Variants in CHST11 observed in about 807,000 individuals in gnomAD.
The protein encoded by CHST11 is C4S-1.
Under a neutral mutation model 30.4 loss-of-function variants are expected in CHST11, and 9 were observed. That is an observed-to-expected ratio of 0.30 (90% CI 0.18 to 0.52). The LOEUF (loss-of-function observed/expected upper bound fraction) is 0.52. Among genes scored for constraint, CHST11 ranks in the 20% least tolerant of loss-of-function variants. The pLI is 0.97. For missense variants in CHST11, 348 were observed against 460.6 expected, an observed-to-expected ratio of 0.76 and a Z score of 2.24; for synonymous variants, 152 against 187.8, an observed-to-expected ratio of 0.81 and a Z score of 1.56.
chr12:104,680,586 G>A (rs1414663746), intron 2 of CHST11, among the ~76,000 whole-genome samples: 1 of 152,322 alleles, frequency 6.6e-6, no homozygotes, highest in South Asian at 2.1e-4. Context: ...CCTGTCATTC[G>A]AGGGTTTATT....
chr12:104,703,461 A>G (rs2136114615), intron 2 of CHST11, among the ~76,000 whole-genome samples: 1 of 152,066 alleles, frequency 6.6e-6, no homozygotes, highest in South Asian at 2.1e-4. Flanking sequence ...TCTCAGCTCT[A>G]CTTTCAAAGG....
intron 2 of CHST11, among the ~76,000 whole-genome samples, chr12:104,671,672 T>G (rs908638744): frequency 2.0e-5 from 3 of 152,200 alleles, no homozygotes; most frequent in Non-Finnish European, 2.9e-5. Flanking sequence ...AAAGATTCCT[T>G]TACTTACAGA....
At chr12:104,628,238 C>T (rs539126442) in intron 2 of CHST11, among the ~76,000 whole-genome samples, 5 of 152,306 alleles carry the variant, frequency 3.3e-5, no homozygotes, top group African/African-American at 7.2e-5. Context: ...TTAATCCCAA[C>T]GGTCCCGTTC....
At chr12:104,632,428 C>T (rs370815536) in intron 2 of CHST11, among the ~76,000 whole-genome samples, 2 of 152,116 alleles carry the variant, frequency 1.3e-5, no homozygotes, top group African/African-American at 2.4e-5. Flanking sequence ...AGGGAAGTGC[C>T]GAGCTAACGG....
At chr12:104,669,532 C>T (rs574963349) in intron 2 of CHST11, among the ~76,000 whole-genome samples, 18 of 152,158 alleles carry the variant, frequency 1.2e-4, no homozygotes, top group Non-Finnish European at 2.5e-4. Flanking sequence ...TTTGTTCATT[C>T]ATAAACGTTA....
intron 2 of CHST11, among the ~76,000 whole-genome samples, chr12:104,686,097 G>A (rs1033094297): frequency 9.9e-5 from 15 of 151,962 alleles, no homozygotes; most frequent in Admixed American, 5.2e-4. Flanking sequence ...GCTGGGCATG[G>A]TGGTGCATAC....
At chr12:104,467,690 A>T (rs1207066016) in intron 1 of CHST11, among the ~76,000 whole-genome samples, 1 of 152,210 alleles carries the variant, frequency 6.6e-6, no homozygotes, top group African/African-American at 2.4e-5. Flanking sequence ...TGGGAGAAGA[A>T]ACTCACAAAG....
chr12:104,525,889 G>GT (rs1182780546), intron 1 of CHST11, among the ~76,000 whole-genome samples: 4 of 112,352 alleles, frequency 3.6e-5, no homozygotes, highest in Admixed American at 1.3e-4. Context: ...TTACCAAGCT[G>GT]TTTTTTGCAG....
intron 2 of CHST11, among the ~76,000 whole-genome samples, chr12:104,645,072 C>G (rs2039413727): frequency 6.6e-6 from 1 of 152,128 alleles, no homozygotes; most frequent in African/African-American, 2.4e-5. Flanking sequence ...CTCAGCCTCC[C>G]AAGTAGCTGG....
chr12:104,623,062 T>A (rs2039175696), intron 2 of CHST11, among the ~76,000 whole-genome samples: 1 of 152,192 alleles, frequency 6.6e-6, no homozygotes, highest in African/African-American at 2.4e-5. Context: ...ATTTTAGGTC[T>A]CTGTTGCAAC....
intron 1 of CHST11, among the ~76,000 whole-genome samples, chr12:104,566,354 G>A (rs1427410897): frequency 6.6e-6 from 1 of 151,906 alleles, no homozygotes; most frequent in African/African-American, 2.4e-5. Context: ...CTTCTAAATT[G>A]CATCTAGCGG....
intron 2 of CHST11, among the ~76,000 whole-genome samples, chr12:104,735,657 G>T (rs1262326761): frequency 1.3e-5 from 2 of 152,208 alleles, no homozygotes; most frequent in African/African-American, 4.8e-5. Context: ...TCCCTTAGGT[G>T]CAAGAAAGCG....
At chr12:104,585,538 C>A (rs1300395519) in intron 1 of CHST11, among the ~76,000 whole-genome samples, 7 of 152,188 alleles carry the variant, frequency 4.6e-5, no homozygotes, top group Non-Finnish European at 7.3e-5. Flanking sequence ...CATGGATGAA[C>A]TTATTCAGTC....
intron 2 of CHST11, among the ~76,000 whole-genome samples, chr12:104,678,202 C>A (rs1053346143): frequency 2.0e-5 from 3 of 152,024 alleles, no homozygotes; most frequent in African/African-American, 7.3e-5. Flanking sequence ...ATCTTAGGGC[C>A]CAATGGAGAA....
chr12:104,610,315 T>A (rs2039048330), intron 2 of CHST11, among the ~76,000 whole-genome samples: 2 of 152,236 alleles, frequency 1.3e-5, no homozygotes, highest in African/African-American at 4.8e-5. Context: ...TCAAGCTTTC[T>A]TTATAGGCAG....
rs187409083 is a variant in CHST11 at position 104,701,469 on chromosome 12, G to A, written c.205-55480G>A. ...GAAGTGAACCCGGCGGGCACACTGC[G>A]TGGGGTGGGCTAATAACCTCCAGTA... On this transcript the variant is annotated intron_variant, in intron 2 of 2. Transcript: ENST00000303694. Among the ~76,000 whole-genome samples the A allele has an allele frequency of 5.7e-4, 87 of 152,246 alleles. 1 individual carries two copies. In the East Asian group the frequency reaches 0.016, roughly 28 times the overall value.
chr12:104,583,468 C>T (rs2038768657), intron 1 of CHST11, among the ~76,000 whole-genome samples: 1 of 152,116 alleles, frequency 6.6e-6, no homozygotes, highest in African/African-American at 2.4e-5. Context: ...GGCCTTTTCC[C>T]TCTGACCATA....
At chr12:104,623,027 TTCTG>T in intron 2 of CHST11, among the ~76,000 whole-genome samples, 1 of 152,186 alleles carries the variant, frequency 6.6e-6, no homozygotes, top group South Asian at 2.1e-4. Flanking sequence ...AGCAGACGTT[TTCTG>T]TAAAGGGCCA....
chr12:104,564,487 T>C (rs1592765491), intron 1 of CHST11, among the ~76,000 whole-genome samples: 1 of 152,230 alleles, frequency 6.6e-6, no homozygotes, highest in African/African-American at 2.4e-5. Context: ...TTAAATGAGA[T>C]AGTGCCTCTG....
Sources: gnomAD v4.1 joint callset for allele counts (sites outside exome capture counted in the v4.1 genomes callset) on GRCh38, gnomAD v4.1.1 for gene constraint, MANE v1.5 for transcripts, NCBI Gene and HGNC (gene_info 2026-07-23, HGNC 2026-07-21) for gene names.